SGCZ: variants seen among roughly 807,000 people sequenced by gnomAD.
SGCZ encodes the protein sarcoglycan zeta, also known as zeta-sarcoglycan.
Under a neutral mutation model 41.3 loss-of-function variants are expected in SGCZ, and 40 were observed. That is an observed-to-expected ratio of 0.97 (90% confidence interval 0.75 to 1.26). SGCZ has a LOEUF of 1.26. Among genes scored for constraint, SGCZ ranks in the 50% most tolerant of loss-of-function variants. The pLI is 0.00. For missense variants in SGCZ, 552 were observed against 369.8 expected, an observed-to-expected ratio of 1.49 and a Z score of -4.04; for synonymous variants, 206 against 137.5, an observed-to-expected ratio of 1.50 and a Z score of -3.49.
intron 1 of SGCZ, among the ~76,000 whole-genome samples, chr8:15,003,763 T>C (rs1211475241): frequency 6.6e-6 from 1 of 152,150 alleles, no homozygotes; most frequent in Non-Finnish European, 1.5e-5. Flanking sequence ...AGAGAACTAA[T>C]TTTTTGGCAA....
intron 1 of SGCZ, among the ~76,000 whole-genome samples, chr8:14,585,515 T>C (rs1176493525): frequency 6.6e-6 from 1 of 152,166 alleles, no homozygotes; most frequent in Non-Finnish European, 1.5e-5. Flanking sequence ...AAGGTTGCAA[T>C]ATTCCTAATT....
rs1172737448 is a variant in SGCZ, at chr8:15,049,176, AAGG to A, written c.39+188406_39+188408del. Among the ~76,000 whole-genome samples, 7 of 152,148 alleles carry A rather than the reference AAGG, an allele frequency of 4.6e-5. No individual in the cohort carries two copies. In the East Asian group the frequency reaches 1.4e-3, roughly 29 times the overall value. On this transcript the variant is annotated intron_variant, in intron 1 of 7. Transcript: ENST00000382080. ...AAATTCTGTGGCAGAGAATAACTGGAAGGAGAATAGGTAAGTGTTGTAAGGGAT... is the reference window on the plus strand; with the variant it reads ...AAATTCTGTGGCAGAGAATAACTGGAAGAATAGGTAAGTGTTGTAAGGGAT...
chr8:14,106,372 C>G (rs1006875850), intron 6 of SGCZ, among the ~76,000 whole-genome samples: 5 of 152,210 alleles, frequency 3.3e-5, no homozygotes, highest in Non-Finnish European at 7.3e-5. Flanking sequence ...CTCCTCAGCA[C>G]TGCTGAATCC....
At chr8:14,742,323 ACAC>A (rs1382413398) in intron 1 of SGCZ, among the ~76,000 whole-genome samples, 1 of 152,092 alleles carries the variant, frequency 6.6e-6, no homozygotes, top group African/African-American at 2.4e-5. Context: ...TCACACACAC[ACAC>A]ACCTCAGCAA....
At chr8:14,791,331 T>G (rs1800944667) in intron 1 of SGCZ, among the ~76,000 whole-genome samples, 2 of 152,082 alleles carry the variant, frequency 1.3e-5, no homozygotes, top group South Asian at 4.1e-4. Context: ...CCGTTTGCAT[T>G]GGATGGCACT....
intron 1 of SGCZ, among the ~76,000 whole-genome samples, chr8:14,704,571 C>A (rs773466917): frequency 6.6e-6 from 1 of 152,018 alleles, no homozygotes; most frequent in Non-Finnish European, 1.5e-5. Flanking sequence ...ATGAAATTAA[C>A]ACCAGGTCAT....
chr8:14,521,383 T>C (rs1802783594), intron 2 of SGCZ, among the ~76,000 whole-genome samples: 1 of 152,142 alleles, frequency 6.6e-6, no homozygotes, highest in African/African-American at 2.4e-5. Context: ...TGTGTATTGA[T>C]AGTAATCTGT....
chr8:15,163,403 T>C (rs1209392140), intron 1 of SGCZ, among the ~76,000 whole-genome samples: 1 of 152,216 alleles, frequency 6.6e-6, no homozygotes. Flanking sequence ...TGTTTACCAT[T>C]ACGCTAAGTT....
intron 1 of SGCZ, among the ~76,000 whole-genome samples, chr8:15,169,121 A>G (rs1487327158): frequency 2.0e-5 from 3 of 152,208 alleles, no homozygotes; most frequent in Non-Finnish European, 4.4e-5. Context: ...CCCTGCTGGG[A>G]ACCCTTAAAT....
At chr8:14,539,230 G>A (rs1399586474) in intron 2 of SGCZ, among the ~76,000 whole-genome samples, 1 of 151,970 alleles carries the variant, frequency 6.6e-6, no homozygotes, top group Non-Finnish European at 1.5e-5. Flanking sequence ...CTAACCTGAA[G>A]ATTTGGGACT....
chr8:14,545,234 G>T (rs569903620), intron 2 of SGCZ, among the ~76,000 whole-genome samples: 2 of 152,130 alleles, frequency 1.3e-5, no homozygotes, highest in African/African-American at 2.4e-5. Context: ...ATACTTATTA[G>T]GTCTGAGGAT....
intron 1 of SGCZ, among the ~76,000 whole-genome samples, chr8:14,889,571 T>C (rs1804933887): frequency 6.6e-6 from 1 of 152,084 alleles, no homozygotes; most frequent in Non-Finnish European, 1.5e-5. Context: ...GGACTCAAAA[T>C]TCTTATCTAT....
At chr8:14,753,779 T>C (rs1371111066) in intron 1 of SGCZ, among the ~76,000 whole-genome samples, 1 of 152,194 alleles carries the variant, frequency 6.6e-6, no homozygotes, top group Non-Finnish European at 1.5e-5. Context: ...TGCCCATACA[T>C]GACAGCCAAA....
At chr8:15,105,930 T>G (rs926248077) in intron 1 of SGCZ, among the ~76,000 whole-genome samples, 1 of 152,180 alleles carries the variant, frequency 6.6e-6, no homozygotes, top group East Asian at 1.9e-4. Context: ...CTGGCAATTA[T>G]TGAATATTCC....
intron 1 of SGCZ, among the ~76,000 whole-genome samples, chr8:15,184,526 C>A (rs1194517435): frequency 7.8e-6 from 1 of 127,588 alleles, no homozygotes; most frequent in Admixed American, 7.3e-5. Flanking sequence ...TTTCTTTTGT[C>A]CTACACCAGG....
intron 4 of SGCZ, among the ~76,000 whole-genome samples, chr8:14,177,032 CG>C (rs1256509366): frequency 6.6e-6 from 1 of 152,048 alleles, no homozygotes; most frequent in Admixed American, 6.6e-5. Flanking sequence ...TTTTGTGTAA[CG>C]GTTGGTATAC....
intron 5 of SGCZ, among the ~76,000 whole-genome samples, chr8:14,112,814 T>C (rs1802414707): frequency 6.6e-6 from 1 of 152,118 alleles, no homozygotes; most frequent in Non-Finnish European, 1.5e-5. Flanking sequence ...TCAAAACTTG[T>C]ATACTAATAA....
intron 2 of SGCZ, among the ~76,000 whole-genome samples, chr8:14,356,155 C>T (rs1309752996): frequency 6.6e-6 from 1 of 152,146 alleles, no homozygotes; most frequent in African/African-American, 2.4e-5. Context: ...CAACTGTAGG[C>T]TAAACATAAG....
intron 1 of SGCZ, among the ~76,000 whole-genome samples, chr8:15,069,522 A>C (rs2131025594): frequency 6.6e-6 from 1 of 152,198 alleles, no homozygotes; most frequent in East Asian, 1.9e-4. Flanking sequence ...CGTTAACACC[A>C]CCCAGCAGTA....
Sources: gnomAD v4.1 joint callset for allele counts (sites outside exome capture counted in the v4.1 genomes callset) on GRCh38, gnomAD v4.1.1 for gene constraint, MANE v1.5 for transcripts, NCBI Gene and HGNC (gene_info 2026-07-23, HGNC 2026-07-21) for gene names.